MGAT5: variants seen among roughly 807,000 people sequenced by gnomAD.
The protein encoded by MGAT5 is alpha-1,6-mannosylglycoprotein 6-beta-N-acetylglucosaminyltransferase, also known as alpha-1,6-mannosylglycoprotein 6-beta-N-acetylglucosaminyltransferase A.
Under a neutral mutation model 94.3 loss-of-function variants are expected in MGAT5, and 30 were observed. The observed-to-expected ratio is 0.32, with a 90% CI of 0.24 to 0.43. MGAT5 has a LOEUF of 0.43. Ranked by LOEUF, MGAT5 falls within the 20% of genes least tolerant of loss-of-function variation. MGAT5 has a pLI of 1.00. For synonymous variants in MGAT5, 310 were observed against 322.9 expected, an observed-to-expected ratio of 0.96 and a Z score of 0.43; for missense variants, 691 against 905.5, an observed-to-expected ratio of 0.76 and a Z score of 3.04.
chr2:134,441,703 G>A, intron 14 of MGAT5, 55 bp from the exon 15 acceptor site: 1 of 1,566,990 alleles, frequency 6.4e-7, no homozygotes, highest in South Asian at 1.2e-5. Flanking sequence ...GGCAGGGCTG[G>A]GGATCCCCAG....
intron 1 of MGAT5, among the ~76,000 whole-genome samples, chr2:134,195,106 ATAGTGGAGG>A (rs1215171208): frequency 2.0e-5 from 3 of 152,160 alleles, no homozygotes; most frequent in African/African-American, 7.2e-5. Context: ...CATATAATGC[ATAGTGGAGG>A]TTGTTAACCT....
At chr2:134,387,334 T>TATATATATATA (rs1682093771) in intron 10 of MGAT5, among the ~76,000 whole-genome samples, 2 of 28,024 alleles carry the variant, frequency 7.1e-5, no homozygotes, top group Non-Finnish European at 1.7e-4. Context: ...ATATATATAT[T>TATATATATATA]TTTTTTTTTT....
At chr2:134,170,131 T>A (rs1261877163) in intron 1 of MGAT5, among the ~76,000 whole-genome samples, 1 of 152,200 alleles carries the variant, frequency 6.6e-6, no homozygotes, top group Non-Finnish European at 1.5e-5. Flanking sequence ...CCGAGGCATG[T>A]GGGTATATAT....
intron 1 of MGAT5, among the ~76,000 whole-genome samples, chr2:134,151,613 G>A (rs1687182383): frequency 9.4e-6 from 1 of 106,398 alleles, no homozygotes; most frequent in Non-Finnish European, 1.8e-5. Flanking sequence ...TACCGCCATG[G>A]GACCTCACTC....
chr2:134,393,357 C>T (rs377336795), intron 10 of MGAT5, among the ~76,000 whole-genome samples: 1 of 152,134 alleles, frequency 6.6e-6, no homozygotes, highest in Non-Finnish European at 1.5e-5. Context: ...CCAATTCTCC[C>T]CTGTCTCCAC....
intron 1 of MGAT5, among the ~76,000 whole-genome samples, chr2:134,189,591 A>AGTTTTTTTTT (rs1164586226): frequency 3.8e-5 from 1 of 26,610 alleles, no homozygotes. Context: ...TCATGGCTCT[A>AGTTTTTTTTT]GTTTTTTTTT....
intron 1 of MGAT5, among the ~76,000 whole-genome samples, chr2:134,269,430 A>C (rs1236534698): frequency 1.3e-5 from 2 of 152,158 alleles, no homozygotes; most frequent in African/African-American, 4.8e-5. Context: ...CACACTGTGC[A>C]CTTTTCCCCT....
At chr2:134,220,079 A>G (rs1261026694) in intron 1 of MGAT5, among the ~76,000 whole-genome samples, 1 of 152,228 alleles carries the variant, frequency 6.6e-6, no homozygotes, top group Non-Finnish European at 1.5e-5. Flanking sequence ...AATGCATGAC[A>G]TACGTACCCC....
intron 10 of MGAT5, among the ~76,000 whole-genome samples, chr2:134,385,200 A>G (rs1385384151): frequency 1.3e-5 from 2 of 152,206 alleles, no homozygotes; most frequent in Non-Finnish European, 2.9e-5. Context: ...ATCATTTCCT[A>G]CTTATCCTTC....
intron 6 of MGAT5, among the ~76,000 whole-genome samples, chr2:134,340,747 T>C (rs1688575591): frequency 6.6e-6 from 1 of 152,186 alleles, no homozygotes; most frequent in Non-Finnish European, 1.5e-5. Context: ...TATCATCATT[T>C]TGCAGTCCGT....
intron 4 of MGAT5, among the ~76,000 whole-genome samples, chr2:134,326,601 AATT>A: frequency 6.6e-6 from 1 of 152,218 alleles, no homozygotes; most frequent in African/African-American, 2.4e-5. Flanking sequence ...CAAGAGCATT[AATT>A]GCTATTGATT....
Position 134,152,310 on chromosome 2 carries a change from A to ACCACCATGGAAAC in MGAT5, c.-143+32019_-143+32020insCCACCATGGAAAC, listed in dbSNP as rs541206999. Among the ~76,000 whole-genome samples the ACCACCATGGAAAC allele has an allele frequency of 1.9e-4, 17 of 88,050 alleles. 2 individuals are homozygous for ACCACCATGGAAAC. The highest frequency in any genetic ancestry group is 6.5e-4 in the African/African-American group (16 of 24,702). The allele number at this position is 88,050 out of a possible 152,430, so 57.8% of individuals were successfully genotyped here. On this transcript the variant is annotated intron_variant, in intron 1 of 16. Coordinates refer to the MGAT5 transcript ENST00000409645. Reference sequence around the variant, plus strand: ...CTGCTTACCACCATGGGACCCGCTTATCACTCACGCCCTATGGGACCCGCC... The same window carrying ACCACCATGGAAAC: ...CTGCTTACCACCATGGGACCCGCTTACCACCATGGAAACTCACTCACGCCCTATGGGACCCGCC...
chr2:134,334,420 C>G (rs1030244821), intron 4 of MGAT5, among the ~76,000 whole-genome samples: 2 of 147,514 alleles, frequency 1.4e-5, no homozygotes, highest in Non-Finnish European at 3.0e-5. Flanking sequence ...AAAACTTCAT[C>G]CTGGTGGGTG....
chr2:134,175,079 C>G (rs1688395956), intron 1 of MGAT5, among the ~76,000 whole-genome samples: 1 of 152,216 alleles, frequency 6.6e-6, no homozygotes, highest in Non-Finnish European at 1.5e-5. Context: ...TATCTCCCTA[C>G]CAGGGAGTAT....
In MGAT5 at chr2:134,338,437, T is replaced by G. The variant is rs201311746; in HGVS notation, c.807+17T>G. On this transcript the variant is annotated intron_variant, in intron 6 of 15. Coordinates refer to ENST00000281923, the MANE Select transcript of MGAT5 (RefSeq NM_002410.5). ...CGGAAGAAAGTGAGTTTCTTATTAA[T>G]TCAGTGCAGTTAGATGCCAGCTTTC... 1.3e-6 allele frequency: 2 copies of G among 1,580,586 alleles called. No homozygotes were observed. The highest frequency in any genetic ancestry group is 8.6e-7 in the Non-Finnish European group (1 of 1,166,154).
intron 12 of MGAT5, among the ~76,000 whole-genome samples, chr2:134,414,245 C>A (rs1390294026): frequency 1.3e-5 from 2 of 149,522 alleles, no homozygotes; most frequent in Admixed American, 1.3e-4. Flanking sequence ...TCAGTTTGTT[C>A]ATTTATAAGT....
intron 1 of MGAT5, among the ~76,000 whole-genome samples, chr2:134,151,025 C>T (rs535865151): frequency 1.3e-5 from 2 of 152,254 alleles, no homozygotes; most frequent in African/African-American, 4.8e-5. Context: ...CTTGGATTCC[C>T]CTTGCCTCTA....
chr2:134,440,265 A>G (rs1685410881), intron 14 of MGAT5, among the ~76,000 whole-genome samples: 1 of 152,184 alleles, frequency 6.6e-6, no homozygotes, highest in Non-Finnish European at 1.5e-5. Flanking sequence ...CAGTTCTTGA[A>G]TATACGAAAT....
chr2:134,400,947 C>A (rs965382158), intron 10 of MGAT5, among the ~76,000 whole-genome samples: 2 of 152,090 alleles, frequency 1.3e-5, no homozygotes, highest in African/African-American at 4.8e-5. Context: ...CCAGAGGGAC[C>A]TGGGGAATTT....
Sources: allele counts gnomAD v4.1 joint callset (sites outside exome capture counted in the v4.1 genomes callset), GRCh38; gene constraint gnomAD v4.1.1; transcripts MANE v1.5; gene names NCBI Gene and HGNC (gene_info 2026-07-23, HGNC 2026-07-21).